FSIP2: variants seen among roughly 807,000 people sequenced by gnomAD.
FSIP2 encodes the protein fibrous sheath-interacting protein 2.
Under a neutral mutation model 510.5 loss-of-function variants are expected in FSIP2, and 367 were observed. That is an observed-to-expected ratio of 0.72 (90% CI 0.66 to 0.78). The LOEUF is 0.78. Among genes scored for constraint, FSIP2 ranks in the 30% least tolerant of loss-of-function variants. The pLI is 0.00. For synonymous variants in FSIP2, 2,601 were observed against 2,732.2 expected (o/e 0.95, Z 1.50); for missense variants, 7,594 against 7,901.7 (o/e 0.96, Z 1.48).
intron 16 of FSIP2, among the ~76,000 whole-genome samples, chr2:185,797,973 G>C (rs997546990): frequency 1.3e-5 from 2 of 151,894 alleles, no homozygotes; most frequent in African/African-American, 4.8e-5. Flanking sequence ...TTACTGGCAT[G>C]AGCCACTGTG....
intron 13 of FSIP2, among the ~76,000 whole-genome samples, chr2:185,771,312 G>T (rs1001312180): frequency 3.3e-5 from 5 of 152,208 alleles, no homozygotes; most frequent in African/African-American, 1.2e-4. Flanking sequence ...CCCTACTAGA[G>T]TCTCTCTGCA....
At position 185,789,945 on chromosome 2, in the gene FSIP2, C is replaced by T; in HGVS notation, c.2809C>T (p.Leu937=). 2 of 1,534,278 alleles carry T rather than the reference C, an allele frequency of 1.3e-6. No individual in the cohort carries two copies. Among genetic ancestry groups the T allele is most frequent in the Non-Finnish European group, 1.7e-6 (2 of 1,145,666 alleles). The change falls in exon 16 of 23, where the codon CTA becomes TTA. Residue 937 remains leucine, a synonymous_variant. Coordinates refer to ENST00000424728, the MANE Select transcript of FSIP2 (RefSeq NM_173651.4). ...TGAAGAAACCGTAGTACTCCTTCAG[C>T]TACTTGAGGACATCCTTTTTCAGCT... ...ASEETVVLLQ[L]LEDILFQLHQ...
intron 13 of FSIP2, among the ~76,000 whole-genome samples, chr2:185,776,697 C>G (rs1423566453): frequency 6.6e-6 from 1 of 152,012 alleles, no homozygotes; most frequent in Non-Finnish European, 1.5e-5. Context: ...TATGGATATA[C>G]AAAATAAGTC....
At chr2:185,769,596 C>A (rs752615156) in intron 13 of FSIP2, among the ~76,000 whole-genome samples, 5 of 151,968 alleles carry the variant, frequency 3.3e-5, no homozygotes, top group Non-Finnish European at 5.9e-5. Context: ...TTACTAGTTT[C>A]TTTTGCTGTG....
At chr2:185,824,646 T>C (rs1238751430) in intron 20 of FSIP2, among the ~76,000 whole-genome samples, 166 bp downstream of exon 20, 1 of 151,724 alleles carries the variant, frequency 6.6e-6, no homozygotes, top group African/African-American at 2.4e-5. Flanking sequence ...ATGAGTCAAA[T>C]ACTTAGCCTT....
intron 16 of FSIP2, 146 bp downstream of exon 16, chr2:185,797,672 C>A (rs543482335): frequency 7.9e-5 from 58 of 737,746 alleles, no homozygotes; most frequent in Non-Finnish European, 1.3e-4. Context: ...CTGAGTTGCA[C>A]TTTAATTTTA....
Position 185,738,920 on chromosome 2 carries a change from C to A in FSIP2, c.26C>A (p.Ser9Tyr), listed in dbSNP as rs1277082306. Residue 9 changes from serine to tyrosine, a missense_variant, in exon 1 of 23, where the codon TCC (serine) becomes TAC (tyrosine). Physicochemically the swap from Ser to Tyr is moderately radical, Grantham distance 144. Transcript: ENST00000424728. ...ATGGAGCTGTACCTCGGCGCCTGCTCCAAGCCTGCCAAAGTCGCCGTCACC... is the reference window on the plus strand; with the variant it reads ...ATGGAGCTGTACCTCGGCGCCTGCTACAAGCCTGCCAAAGTCGCCGTCACC... MELYLGAC[S>Y]KPAKVAVTKT... The A allele has an allele frequency of 1.3e-6, 2 of 1,534,782 alleles. No individual in the cohort carries two copies. The highest frequency in any genetic ancestry group is 2.7e-5 in the African/African-American group (2 of 73,028).
chr2:185,772,732 G>A (rs1039579506), intron 13 of FSIP2, among the ~76,000 whole-genome samples: 2 of 152,114 alleles, frequency 1.3e-5, no homozygotes, highest in Admixed American at 6.6e-5. Context: ...CCATGTCACT[G>A]ATTTTGTACT....
intron 20 of FSIP2, among the ~76,000 whole-genome samples, chr2:185,825,585 A>G (rs1175372037): frequency 6.6e-6 from 1 of 151,794 alleles, no homozygotes; most frequent in Non-Finnish European, 1.5e-5. Context: ...CATAAAAACA[A>G]AAGTTCCATC....
At chr2:185,773,425 A>G (rs1692651899) in intron 13 of FSIP2, among the ~76,000 whole-genome samples, 1 of 152,254 alleles carries the variant, frequency 6.6e-6, no homozygotes, top group Admixed American at 6.5e-5. Flanking sequence ...TAATTTTATA[A>G]TTTATTCTTT....
intron 13 of FSIP2, among the ~76,000 whole-genome samples, chr2:185,778,965 A>T (rs1692784384): frequency 6.6e-6 from 1 of 151,980 alleles, no homozygotes; most frequent in Non-Finnish European, 1.5e-5. Flanking sequence ...TTCCAGGTGA[A>T]TTGAATATTC....
chr2:185,807,272 A>G lies in FSIP2; in HGVS notation c.17966A>G (p.Lys5989Arg). The G allele has an allele frequency of 6.2e-7, 1 of 1,612,780 alleles. No homozygotes were observed. Among genetic ancestry groups the G allele is most frequent in the Non-Finnish European group, 8.5e-7 (1 of 1,179,220 alleles). Residue 5989 changes from lysine (K) to arginine (R), a missense_variant, in exon 17 of 23, where the codon AAG (lysine) becomes AGG (arginine). Physicochemically the swap from Lys to Arg is conservative, Grantham distance 26. Coordinates refer to ENST00000424728, the MANE Select transcript of FSIP2 (RefSeq NM_173651.4). ...AAGGATGTTGTTAAAAAGGTCCAAA[A>G]GTTGGCCCAAACAGCCAGCAAAGAA... ...ESKDVVKKVQ[K>R]LAQTASKECQ... is the part of the protein sequence containing the mutation.
chr2:185,798,883 C>T (rs1469804863), intron 16 of FSIP2, among the ~76,000 whole-genome samples: 1 of 151,788 alleles, frequency 6.6e-6, no homozygotes, highest in African/African-American at 2.4e-5. Context: ...CTAGGAATAC[C>T]TTTTCCTCAT....
Position 185,801,221 on chromosome 2 carries a change from C to T in FSIP2, c.11915C>T (p.Ser3972Leu), listed in dbSNP as rs748432725. Residue 3972 changes from serine (S) to leucine (L), a missense_variant, in exon 17 of 23, where the codon TCA (serine) becomes TTA (leucine). Coordinates refer to ENST00000424728, the MANE Select transcript of FSIP2 (RefSeq NM_173651.4). ...HQEGIYAGVY[S>L]ATFLEGIISE... ...GAAGGTATATATGCTGGTGTTTATT[C>T]AGCCACATTTTTGGAAGGAATAATT... is the stretch of plus-strand genomic sequence containing the variant. 1 of 1,534,198 alleles carries T rather than the reference C, an allele frequency of 6.5e-7. No homozygotes were observed. The highest frequency in any genetic ancestry group is 1.2e-5 in the South Asian group (1 of 84,010).
Position 185,805,162 on chromosome 2 carries a change from C to G in FSIP2, c.15856C>G (p.His5286Asp). 1.2e-6 allele frequency: 2 copies of G among 1,610,016 alleles called. No homozygotes were observed. Among genetic ancestry groups the G allele is most frequent in the Non-Finnish European group, 1.7e-6 (2 of 1,177,722 alleles). Residue 5286 changes from histidine to aspartate, a missense_variant, in exon 17 of 23, where the codon CAC becomes GAC. His to Asp is a moderately conservative substitution (Grantham distance 81). Coordinates refer to ENST00000424728, the MANE Select transcript of FSIP2 (RefSeq NM_173651.4). ...GGAAGACATAATCATTGACCTTGTT[C>G]ACAAATTTTGTTCTCTCCTCATTAT... ...FLEDIIIDLV[H>D]KFCSLLIITE...
intron 7 of FSIP2, among the ~76,000 whole-genome samples, chr2:185,752,068 T>C (rs1002857671): frequency 8.7e-6 from 1 of 114,522 alleles, no homozygotes; most frequent in Non-Finnish European, 2.0e-5. Context: ...TCTGCTATCA[T>C]TTTTTTTTCT....
intron 8 of FSIP2, among the ~76,000 whole-genome samples, chr2:185,755,415 C>T (rs190503189): frequency 6.6e-5 from 10 of 151,694 alleles, no homozygotes; most frequent in Admixed American, 3.3e-4. Flanking sequence ...TTAACTTTCT[C>T]ATATAGTAGG....
At chr2:185,739,254 C>T (rs1691870884) in intron 1 of FSIP2, 92 bp from the exon 2 acceptor site, 2 of 1,323,168 alleles carry the variant, frequency 1.5e-6, no homozygotes, top group African/African-American at 3.0e-5. Flanking sequence ...TATAATTCTT[C>T]GGAGTCTTTG....
Position 185,805,941 on chromosome 2 carries a change from G to C in FSIP2, c.16635G>C (p.Val5545=). 6.3e-7 allele frequency: 1 copy of C among 1,585,150 alleles called. No individual in the cohort carries two copies. The highest frequency in any genetic ancestry group is 1.4e-5 in the African/African-American group (1 of 73,160). ...NVSKVTSTTT[V]KSKDTQEPNL... ...CAAAAGTTACTTCAACTACCACTGT[G>C]AAAAGTAAAGATACTCAGGAGCCAA... Residue 5545 remains valine (V), a synonymous_variant, in exon 17 of 23, where the codon GTG becomes GTC. Transcript: ENST00000424728.
Sources: gnomAD v4.1 joint callset for allele counts (sites outside exome capture counted in the v4.1 genomes callset) on GRCh38, gnomAD v4.1.1 for gene constraint, MANE v1.5 for transcripts, NCBI Gene and HGNC (gene_info 2026-07-23, HGNC 2026-07-21) for gene names.